Variants in NAALADL2 observed in about 807,000 individuals in gnomAD.
NAALADL2 encodes the protein N-acetylated alpha-linked acidic dipeptidase like 2.
A neutral mutation model predicts 87.2 loss-of-function variants in NAALADL2; 76 were observed. That is an observed-to-expected ratio of 0.87 (90% confidence interval 0.72 to 1.05). The LOEUF (loss-of-function observed/expected upper bound fraction) is 1.05, where lower values mean the gene tolerates loss of function less well. Ranked by LOEUF, NAALADL2 falls within the 50% of genes least tolerant of loss-of-function variation. NAALADL2 has a pLI of 0.00. For synonymous variants in NAALADL2, 354 were observed against 331.0 expected (o/e 1.07, Z -0.75); for missense variants, 1,089 against 945.8 (o/e 1.15, Z -1.99).
chr3:175,291,534 T>A (rs1755638651), intron 4 of NAALADL2, among the ~76,000 whole-genome samples: 1 of 152,144 alleles, frequency 6.6e-6, no homozygotes, highest in Non-Finnish European at 1.5e-5. Context: ...GGGTTATATA[T>A]GTTATTCAAG....
chr3:175,715,792 T>A (rs1331032929), intron 11 of NAALADL2, among the ~76,000 whole-genome samples: 1 of 152,006 alleles, frequency 6.6e-6, no homozygotes, highest in African/African-American at 2.4e-5. Context: ...CAAGAATCAC[T>A]TGAACCTGGG....
intron 4 of NAALADL2, among the ~76,000 whole-genome samples, chr3:175,318,794 T>C (rs895263118): frequency 1.3e-5 from 2 of 152,264 alleles, no homozygotes; most frequent in South Asian, 2.1e-4. Flanking sequence ...TAAACTACTC[T>C]CCCCAACCGC....
At chr3:174,768,619 A>T (rs1304262685) in intron 3 of NAALADL2, among the ~76,000 whole-genome samples, 1 of 152,182 alleles carries the variant, frequency 6.6e-6, no homozygotes, top group Non-Finnish European at 1.5e-5. Flanking sequence ...TCAAGGAACA[A>T]ATTAGGCAGA....
chr3:174,757,502 T>C (rs1195473161), intron 3 of NAALADL2, among the ~76,000 whole-genome samples: 2 of 152,034 alleles, frequency 1.3e-5, no homozygotes, highest in South Asian at 2.1e-4. Flanking sequence ...CTTTTCTTTT[T>C]TTTTTTTAAG....
At chr3:175,055,472 C>A (rs1206714540) in intron 1 of NAALADL2, among the ~76,000 whole-genome samples, 1 of 152,180 alleles carries the variant, frequency 6.6e-6, no homozygotes, top group Non-Finnish European at 1.5e-5. Context: ...AGGCTCACAG[C>A]TTTTGTACAG....
chr3:175,480,519 G>A (rs1235580510), intron 9 of NAALADL2, among the ~76,000 whole-genome samples: 1 of 151,854 alleles, frequency 6.6e-6, no homozygotes, highest in African/African-American at 2.4e-5. Context: ...AGCATCAAAA[G>A]TAGTATTCTA....
intron 2 of NAALADL2, among the ~76,000 whole-genome samples, chr3:174,692,721 A>C (rs917301118): frequency 1.3e-5 from 2 of 152,084 alleles, no homozygotes; most frequent in Non-Finnish European, 2.9e-5. Context: ...AAATAGATGA[A>C]GTATATCCTG....
chr3:175,235,596 AC>A (rs1422001378), intron 3 of NAALADL2: 2 of 152,200 alleles, frequency 1.3e-5, no homozygotes, highest in African/African-American at 4.8e-5. Flanking sequence ...TCTAAAAGTT[AC>A]CCCGATATTT....
chr3:174,468,641 A>C (rs1163760223), intron 1 of NAALADL2, among the ~76,000 whole-genome samples: 1 of 151,716 alleles, frequency 6.6e-6, no homozygotes, highest in Non-Finnish European at 1.5e-5. Context: ...TTGGCCTCCC[A>C]AAGTGCTGGG....
chr3:175,011,595 C>T (rs576783819), intron 1 of NAALADL2, among the ~76,000 whole-genome samples: 2 of 152,272 alleles, frequency 1.3e-5, no homozygotes, highest in African/African-American at 4.8e-5. Flanking sequence ...GCCTATAGCT[C>T]AGCTTAATTG....
At chr3:175,718,224 G>GTTTTTTTTGTTTAAAAA in intron 11 of NAALADL2, 1 of 191,558 alleles carries the variant, frequency 5.2e-6, no homozygotes, top group Non-Finnish European at 8.0e-6. Flanking sequence ...TTTTTTTTTT[G>GTTTTTTTTGTTTAAAAA]ATTAGTTGCT....
At chr3:175,608,603 G>A (rs1409952997) in intron 10 of NAALADL2, among the ~76,000 whole-genome samples, 1 of 151,966 alleles carries the variant, frequency 6.6e-6, no homozygotes, top group Non-Finnish European at 1.5e-5. Flanking sequence ...TGCAAAATGA[G>A]ACAATCCTTT....
chr3:175,312,582 A>G (rs1758521450), intron 4 of NAALADL2, among the ~76,000 whole-genome samples: 1 of 152,180 alleles, frequency 6.6e-6, no homozygotes. Flanking sequence ...GTCTGTTTGT[A>G]AAGGATGGAC....
chr3:174,948,819 T>TG (rs1187624514), intron 1 of NAALADL2, among the ~76,000 whole-genome samples: 1 of 152,290 alleles, frequency 6.6e-6, no homozygotes, highest in East Asian at 1.9e-4. Flanking sequence ...GACTGTCAGT[T>TG]GAAACACTTA....
chr3:175,480,404 C>G lies in NAALADL2; in HGVS notation c.1653+8646C>G, dbSNP rs141729233. ...CAAGCAACTCTAACTCATTTGTCTT[C>G]TGTAATCAATGGTAACTCCAGAAGG... On this transcript the variant is annotated intron_variant, in intron 9 of 13. Transcript: ENST00000454872. 3.9e-5 allele frequency among the ~76,000 whole-genome samples: 6 copies of G among 151,928 alleles called. No individual in the cohort carries two copies. In the East Asian group the frequency reaches 9.7e-4, roughly 25 times the overall value.
intron 1 of NAALADL2, among the ~76,000 whole-genome samples, chr3:174,981,630 T>C (rs1425549766): frequency 6.6e-6 from 1 of 152,172 alleles, no homozygotes; most frequent in East Asian, 1.9e-4. Context: ...TTTTAGGCTT[T>C]TAATAATGAA....
intron 10 of NAALADL2, among the ~76,000 whole-genome samples, chr3:175,625,882 T>G (rs1582675817): frequency 6.6e-6 from 1 of 152,028 alleles, no homozygotes; most frequent in African/African-American, 2.4e-5. Context: ...TGGAAAGCAC[T>G]ATAGTTATTC....
chr3:174,996,490 C>G lies in NAALADL2; in HGVS notation c.44-100300C>G, dbSNP rs545080461. On this transcript the variant is annotated intron_variant, in intron 1 of 13. Coordinates refer to ENST00000454872, the MANE Select transcript of NAALADL2 (RefSeq NM_207015.3). ...CCAGCCTGGGCAACAGAGCAAGACT[C>G]TGTCTCAAAAAAAAAAAAAAAGTAC... is the stretch of plus-strand genomic sequence containing the variant. Among the ~76,000 whole-genome samples, 138 of 139,698 alleles carry G rather than the reference C, an allele frequency of 9.9e-4. 1 individual carries two copies. Among genetic ancestry groups the G allele is most frequent in the Middle Eastern group, 3.7e-3 (1 of 270 alleles). 91.6% of individuals were successfully genotyped at this position (139,698 alleles called of 152,430 possible). A position where few individuals can be genotyped will look rare whatever the true frequency, so the allele number is the denominator to read the frequency against.
At chr3:175,435,661 A>G (rs544714331) in intron 5 of NAALADL2, among the ~76,000 whole-genome samples, 1 of 152,184 alleles carries the variant, frequency 6.6e-6, no homozygotes, top group South Asian at 2.1e-4. Context: ...TTTGTCCCCA[A>G]ATAATTGTAC....
Sources: gnomAD v4.1 joint callset for allele counts (sites outside exome capture counted in the v4.1 genomes callset) on GRCh38, gnomAD v4.1.1 for gene constraint, MANE v1.5 for transcripts, NCBI Gene and HGNC (gene_info 2026-07-23, HGNC 2026-07-21) for gene names.